Variants in CCDC88A observed in about 807,000 individuals in gnomAD.
The protein encoded by CCDC88A is coiled-coil and HOOK domain protein 88A.
In CCDC88A, 54 loss-of-function variants were observed where a neutral mutation model predicts 234.3. That is an observed-to-expected ratio of 0.23 (90% CI 0.19 to 0.29). The LOEUF is 0.29. CCDC88A is among the 10% of genes least tolerant of loss of function. The pLI is 1.00. For missense variants in CCDC88A, 1,832 were observed against 2,123.4 expected (o/e 0.86, Z 2.70); for synonymous variants, 753 against 737.8 (o/e 1.02, Z -0.33).
In CCDC88A at chr2:55,332,570, C is replaced by A; in HGVS notation, c.2851G>T (p.Asp951Tyr). ...RLLHDEQSTD[D>Y]SRYKLLESKL... ...CCAAGTAGACTTAGTACTCACCTGT[C>A]ATCAGTACTTTGTTCATCATGTAAG... is the stretch of plus-strand genomic sequence containing the variant. Residue 951 changes from aspartate to tyrosine, a missense_variant, in exon 16 of 33, where the codon GAC becomes TAC. Asp to Tyr is a radical substitution (Grantham distance 160). This residue lies in a region of CCDC88A where 1,282 missense variants were observed against 1,543.6 expected (regional missense o/e 0.83). Transcript: ENST00000436346. The surrounding 1 kb of genome is among the most constrained non-coding windows in gnomAD (Gnocchi z 4.5). 1 of 1,612,012 alleles carries A rather than the reference C, an allele frequency of 6.2e-7. No homozygotes were observed. The highest frequency in any genetic ancestry group is 1.1e-5 in the South Asian group (1 of 90,820).
intron 22 of CCDC88A, chr2:55,313,995 A>ATCTATTTTCCTTCT: frequency 6.6e-6 from 1 of 152,334 alleles, no homozygotes; most frequent in African/African-American, 2.4e-5. Flanking sequence ...AAGAAGTGGA[A>ATCTATTTTCCTTCT]TCTATTTTCC....
chr2:55,381,915 G>A (rs937662570), intron 3 of CCDC88A, among the ~76,000 whole-genome samples: 1 of 152,072 alleles, frequency 6.6e-6, no homozygotes, highest in African/African-American at 2.4e-5. Context: ...TCCCTCTTTT[G>A]AGACTCGTAT....
intron 2 of CCDC88A, among the ~76,000 whole-genome samples, chr2:55,407,560 G>A (rs902901554): frequency 6.0e-5 from 9 of 150,290 alleles, no homozygotes; most frequent in Non-Finnish European, 1.2e-4. Flanking sequence ...AGCCAAGATC[G>A]CATCACTGCA....
intron 2 of CCDC88A, among the ~76,000 whole-genome samples, chr2:55,415,162 A>G (rs1681157455): frequency 6.6e-6 from 1 of 152,094 alleles, no homozygotes; most frequent in Admixed American, 6.6e-5. Context: ...AAAAGTATAT[A>G]AACAGCCAGG....
At chr2:55,400,781 C>T (rs1455925751) in intron 2 of CCDC88A, among the ~76,000 whole-genome samples, 1 of 152,098 alleles carries the variant, frequency 6.6e-6, no homozygotes, top group African/African-American at 2.4e-5. Context: ...CCTCTTGGAC[C>T]ATCTGTTCTG....
chr2:55,341,344 C>T (rs1473847017), intron 12 of CCDC88A, among the ~76,000 whole-genome samples: 2 of 151,672 alleles, frequency 1.3e-5, no homozygotes, highest in East Asian at 1.9e-4. Context: ...GACGGGGTTT[C>T]ATCATGTTGG....
rs371862942 is a variant in CCDC88A, at chr2:55,335,023, T to C, written c.1798A>G (p.Ser600Gly). Residue 600 changes from serine to glycine, a missense_variant, in exon 15 of 33, where the codon AGT becomes GGT. By Grantham distance (56) the Ser-to-Gly change is moderately conservative. This residue lies in a region of CCDC88A where 1,282 missense variants were observed against 1,543.6 expected (regional missense o/e 0.83). Transcript: ENST00000436346. This position sits in a 1 kb window ranked among gnomAD's most constrained non-coding sequence, Gnocchi z 4.5. ...KILHESIKET[S>G]SKLSKIEFEK... ...AATTCAATCTTGCTTAGCTTGCTAC[T>C]TGTTTCTTTGATAGATTCATGAAGA... 70 of 1,610,466 alleles carry C rather than the reference T, an allele frequency of 4.3e-5. No homozygotes were observed. The highest frequency in any genetic ancestry group is 5.9e-5 in the Non-Finnish European group (70 of 1,177,734).
intron 2 of CCDC88A, among the ~76,000 whole-genome samples, chr2:55,416,626 G>C (rs551821510): frequency 6.6e-6 from 1 of 150,606 alleles, no homozygotes; most frequent in Admixed American, 6.6e-5. Flanking sequence ...TTTACAAAGG[G>C]TTCTTGCTCA....
rs533701602 is a variant in CCDC88A at position 55,365,225 on chromosome 2, T to C, written c.403-1192A>G. Among the ~76,000 whole-genome samples the C allele has an allele frequency of 1.4e-4, 22 of 152,190 alleles. No homozygotes were observed. The Middle Eastern group carries it at 0.01, about 71-fold the overall frequency. ...AGTTTTGGGTGGATGGAATAAAACT[T>C]AGTGGGTTTAAACTCAAGAATTTTT... On this transcript the variant is annotated intron_variant, in intron 5 of 32. Coordinates refer to ENST00000436346, the MANE Select transcript of CCDC88A (RefSeq NM_001365480.1).
intron 2 of CCDC88A, chr2:55,394,781 A>G (rs1180796343): frequency 6.6e-6 from 1 of 151,744 alleles, no homozygotes; most frequent in Non-Finnish European, 1.5e-5. Flanking sequence ...CATGTTGGGC[A>G]TATGTACCCT....
chr2:55,332,619 C>A lies in CCDC88A; in HGVS notation c.2802G>T (p.Lys934Asn). Reference sequence around the variant, plus strand: ...AGAGTCGCTCCTTATTTAACCCTATCTTCTCAAGCTCATGAGTTAATTTTT... The same window carrying A: ...AGAGTCGCTCCTTATTTAACCCTATATTCTCAAGCTCATGAGTTAATTTTT... ...DLEKLTHELE[K>N]IGLNKERLLH... The change falls in exon 16 of 33, where the codon AAG (lysine) becomes AAT (asparagine). Residue 934 changes from lysine (K) to asparagine (N), a missense_variant. Lys to Asn is a moderately conservative substitution (Grantham distance 94, BLOSUM62 0). This residue lies in a region of CCDC88A where 1,282 missense variants were observed against 1,543.6 expected (regional missense o/e 0.83). Transcript: ENST00000436346. This position sits in a 1 kb window ranked among gnomAD's most constrained non-coding sequence, Gnocchi z 4.5. 2.5e-6 allele frequency: 4 copies of A among 1,609,654 alleles called. No homozygotes were observed. Among genetic ancestry groups the A allele is most frequent in the Non-Finnish European group, 3.4e-6 (4 of 1,177,558 alleles).
Position 55,362,389 on chromosome 2 carries a change from C to A in CCDC88A, c.546G>T (p.Ser182=). The part of the protein sequence containing the change: ...DLQWMEVTDM[S]QEDIEPLLKN... Reference sequence around the variant, plus strand: ...TCAAGAGTGGTTCTATGTCCTCCTGCGACATATCAGTCACTTCCATCCATT... The same window carrying A: ...TCAAGAGTGGTTCTATGTCCTCCTGAGACATATCAGTCACTTCCATCCATT... Residue 182 remains serine, a synonymous_variant, in exon 7 of 33, where the codon TCG becomes TCT. Coordinates refer to ENST00000436346, the MANE Select transcript of CCDC88A (RefSeq NM_001365480.1). 2.5e-6 allele frequency: 4 copies of A among 1,603,702 alleles called. No homozygotes were observed. The highest frequency in any genetic ancestry group is 3.4e-6 in the Non-Finnish European group (4 of 1,175,242).
intron 5 of CCDC88A, among the ~76,000 whole-genome samples, chr2:55,370,592 GATA>G (rs1392543076): frequency 8.7e-6 from 1 of 115,118 alleles, no homozygotes; most frequent in Non-Finnish European, 1.6e-5. Flanking sequence ...AGTGAGCCAA[GATA>G]ATACCATTGC....
Position 55,332,477 on chromosome 2 carries a change from G to GT in CCDC88A, c.2855+88dup. The GT allele has an allele frequency of 6.7e-7, 1 of 1,498,478 alleles. No individual in the cohort carries two copies. The highest frequency in any genetic ancestry group is 1.4e-5 in the South Asian group (1 of 73,490). 92.8% of individuals were successfully genotyped at this position (1,498,478 alleles called of 1,614,324 possible). ...CAGAAATAGGGTGAAATATATAAATGTTTTCTATAGCTAGTACAGAAAGAA... is the reference window on the plus strand; with the variant it reads ...CAGAAATAGGGTGAAATATATAAATGTTTTTCTATAGCTAGTACAGAAAGAA... On this transcript the variant is annotated intron_variant, in intron 16 of 32. Transcript: ENST00000436346. This position sits in a 1 kb window ranked among gnomAD's most constrained non-coding sequence, Gnocchi z 4.5.
chr2:55,346,098 TTTA>T, intron 10 of CCDC88A, 74 bp downstream of exon 10: 1 of 1,018,812 alleles, frequency 9.8e-7, no homozygotes, highest in Non-Finnish European at 1.4e-6. Context: ...GTTTCTCATG[TTTA>T]TTAACTGCAT....
chr2:55,381,405 T>C (rs1461799107), intron 3 of CCDC88A, among the ~76,000 whole-genome samples: 1 of 151,968 alleles, frequency 6.6e-6, no homozygotes, highest in Non-Finnish European at 1.5e-5. Context: ...ACAACAAAAT[T>C]AGCCGGGTGT....
intron 2 of CCDC88A, chr2:55,418,175 T>C (rs564050917): frequency 6.6e-6 from 1 of 152,264 alleles, no homozygotes; most frequent in Non-Finnish European, 1.5e-5. Context: ...CGTTATCTAA[T>C]TGTTATCAAG....
intron 8 of CCDC88A, chr2:55,350,337 T>C (rs933651908): frequency 2.0e-5 from 3 of 152,206 alleles, no homozygotes; most frequent in African/African-American, 7.2e-5. Context: ...TGCCATATGA[T>C]ACTAAAATCT....
chr2:55,344,200 C>T (rs1477531086), intron 11 of CCDC88A, 168 bp downstream of exon 11: 1 of 415,976 alleles, frequency 2.4e-6, no homozygotes, highest in African/African-American at 2.0e-5. Context: ...GCAGAAATTT[C>T]TACTACTTTT....
Sources: allele counts gnomAD v4.1 joint callset (sites outside exome capture counted in the v4.1 genomes callset), GRCh38; gene constraint gnomAD v4.1.1; regional missense constraint gnomAD v4.1.1; non-coding constraint Gnocchi (gnomAD v3.1); transcripts MANE v1.5; gene names NCBI Gene and HGNC (gene_info 2026-07-23, HGNC 2026-07-21).